ZNF318: variants seen among roughly 807,000 people sequenced by gnomAD.
ZNF318 encodes endocrine regulator.
ZNF318 carries 51 observed loss-of-function variants against 124.2 expected under a neutral mutation model. The observed-to-expected ratio is 0.41, with a 90% CI of 0.33 to 0.52. The LOEUF is 0.52. Among genes scored for constraint, ZNF318 ranks in the 20% least tolerant of loss-of-function variants. ZNF318 has a pLI of 0.23. For synonymous variants in ZNF318, 1,090 were observed against 1,040.7 expected (o/e 1.05, Z -0.91); for missense variants, 2,815 against 2,811.2 (o/e 1.00, Z -0.03).
rs777542177 is a variant in ZNF318 at position 43,355,369 on chromosome 6, G to A, written c.1965C>T (p.Asp655=). The A allele has an allele frequency of 1.9e-6, 3 of 1,614,164 alleles. No homozygotes were observed. The highest frequency in any genetic ancestry group is 1.7e-6 in the Non-Finnish European group (2 of 1,180,024). The change falls in exon 4 of 10, where the codon GAC becomes GAT. Residue 655 remains aspartate, a synonymous_variant. Transcript: ENST00000361428. The part of the protein sequence containing the change: ...CSSVDHRFSA[D]RCSSVDHCFS... The stretch of plus-strand genomic sequence containing the variant: ...AGCAGTGGTCAACTGAGGAACAGCG[G>A]TCAGCTGAGAAGCGGTGGTCAACTG...
intron 5 of ZNF318, among the ~76,000 whole-genome samples, chr6:43,349,959 A>G (rs892781110): frequency 6.6e-5 from 10 of 152,050 alleles, no homozygotes; most frequent in African/African-American, 2.2e-4. Context: ...TTAAAAAAAA[A>G]GAAAAAAAGG....
In ZNF318 at chr6:43,357,531, G is replaced by A. The variant is rs150513185; in HGVS notation, c.783C>T (p.Ser261=). 100 of 1,614,162 alleles carry A rather than the reference G, an allele frequency of 6.2e-5. No homozygotes were observed. In the African/African-American group the frequency reaches 9.7e-4, roughly 16 times the overall value. Residue 261 remains serine, a synonymous_variant, in exon 3 of 10, where the codon TCC becomes TCT. Transcript: ENST00000361428. The part of the protein sequence containing the change: ...ERNREKLKGY[S]IRSEERSREA... ...CCCGGCTCCTTTCTTCAGATCGTATGGAGTAGCCTTTGAGTTTTTCTCGAT... is the reference window on the plus strand; with the variant it reads ...CCCGGCTCCTTTCTTCAGATCGTATAGAGTAGCCTTTGAGTTTTTCTCGAT...
Position 43,338,207 on chromosome 6 carries a change from T to C in ZNF318, c.5791A>G (p.Arg1931Gly), listed in dbSNP as rs758728144. 5 of 1,614,058 alleles carry C rather than the reference T, an allele frequency of 3.1e-6. No individual in the cohort carries two copies. Among genetic ancestry groups the C allele is most frequent in the East Asian group, 4.5e-5 (2 of 44,896 alleles). The change falls in exon 10 of 10, where the codon AGA (arginine) becomes GGA (glycine). Residue 1931 changes from arginine to glycine, a missense_variant. Physicochemically the swap from Arg to Gly is moderately radical, Grantham distance 125. This residue lies in a region of ZNF318 where 927 missense variants were observed against 820.6 expected (regional missense o/e 1.13). Transcript: ENST00000361428. Reference sequence around the variant, plus strand: ...TTGAGACTTCTGTACCTAGAAGTTCTAGAAGCTGATTCTGGAGCTGAATTC... The same window carrying C: ...TTGAGACTTCTGTACCTAGAAGTTCCAGAAGCTGATTCTGGAGCTGAATTC... ...LENSAPESASRTSRYRSLKLK... is the reference protein window; with the variant it reads ...LENSAPESASGTSRYRSLKLK...
At position 43,340,245 on chromosome 6, in the gene ZNF318, C is replaced by T; in HGVS notation, c.3753G>A (p.Arg1251=). 1 of 1,614,044 alleles carries T rather than the reference C, an allele frequency of 6.2e-7. No homozygotes were observed. ...TTAACTGGAGTTTGATGCCAGTGTT[C>T]CTTTTATTTTCAGCTTTTTCAGGGG... ...RNSPEKAENK[R]NTGIKLQLKE... is the part of the protein sequence containing the mutation. The change falls in exon 10 of 10, where the codon AGG becomes AGA. Residue 1251 remains arginine (R), a synonymous_variant. Coordinates refer to ENST00000361428, the MANE Select transcript of ZNF318 (RefSeq NM_014345.3).
chr6:43,344,315 A>G (rs146632760), intron 6 of ZNF318, among the ~76,000 whole-genome samples: 121 of 152,334 alleles, frequency 7.9e-4, no homozygotes, highest in Middle Eastern at 6.8e-3. Flanking sequence ...AAAATACTGT[A>G]TACCCTTTAA....
intron 2 of ZNF318, among the ~76,000 whole-genome samples, chr6:43,358,414 A>ATTTT (rs71547834): frequency 0.1 from 12,413 of 124,610 alleles, 955 homozygotes; most frequent in Non-Finnish European, 0.14. Flanking sequence ...CACCCGGCTA[A>ATTTT]TTTTTTTTTT....
intron 6 of ZNF318, 103 bp from the exon 7 acceptor site, chr6:43,342,982 AC>A: frequency 2.3e-6 from 2 of 879,650 alleles, no homozygotes; most frequent in Non-Finnish European, 1.7e-6. Context: ...GGGCCATATG[AC>A]CATATTTCCA....
chr6:43,351,652 T>C (rs902804084), intron 5 of ZNF318, among the ~76,000 whole-genome samples: 24 of 151,824 alleles, frequency 1.6e-4, no homozygotes, highest in African/African-American at 4.8e-4. Context: ...TCCCAGCTAC[T>C]TGGGAGGCTG....
At chr6:43,357,977 T>G (rs565074825) in intron 2 of ZNF318, among the ~76,000 whole-genome samples, 3 of 152,186 alleles carry the variant, frequency 2.0e-5, no homozygotes, top group Non-Finnish European at 4.4e-5. Flanking sequence ...CATATCTAGA[T>G]AGATCTCTTG....
At position 43,355,702 on chromosome 6, in the gene ZNF318, C is replaced by T. The variant is rs760666205; in HGVS notation, c.1632G>A (p.Glu544=). 83 of 1,614,088 alleles carry T rather than the reference C, an allele frequency of 5.1e-5. 1 individual carries two copies. Among genetic ancestry groups the T allele is most frequent in the Middle Eastern group, 3.3e-4 (2 of 6,084 alleles). ...TTGGTACGGATTCTGCCTTTAAATC[C>T]TCTTCTTCATCCCCATAGAGAAATT... The part of the protein sequence containing the change: ...EEKFLYGDEE[E]DLKAESVPKP... The change falls in exon 4 of 10, where the codon GAG becomes GAA. Residue 544 remains glutamate, a synonymous_variant. Transcript: ENST00000361428.
In ZNF318 at chr6:43,355,086, T is replaced by A; in HGVS notation, c.2248A>T (p.Ile750Phe). ...CMLPSAPSAP[I>F]RLPHTAALSQ... is the part of the protein sequence containing the mutation. The stretch of plus-strand genomic sequence containing the variant: ...AAAGCAGCAGTGTGTGGAAGTCTAA[T>A]TGGGGCAGATGGGGCTGATGGCAAC... The change falls in exon 4 of 10, where the codon ATT becomes TTT. Residue 750 changes from isoleucine to phenylalanine, a missense_variant. Around this residue, in one of 4 missense-constraint regions of ZNF318, gnomAD observed 1,377 missense variants for 1,353.5 expected, o/e 1.02. Coordinates refer to ENST00000361428, the MANE Select transcript of ZNF318 (RefSeq NM_014345.3). The A allele has an allele frequency of 6.2e-7, 1 of 1,614,174 alleles. No individual in the cohort carries two copies. Among genetic ancestry groups the A allele is most frequent in the Non-Finnish European group, 8.5e-7 (1 of 1,180,026 alleles).
intron 1 of ZNF318, among the ~76,000 whole-genome samples, chr6:43,368,077 A>C (rs1048865812): frequency 2.6e-5 from 4 of 152,188 alleles, no homozygotes; most frequent in African/African-American, 9.7e-5. Flanking sequence ...ACAAATTCCC[A>C]AAAACCAGAC....
intron 7 of ZNF318, among the ~76,000 whole-genome samples, 174 bp from the exon 8 acceptor site, chr6:43,342,385 G>A (rs1779383235): frequency 7.2e-6 from 1 of 139,758 alleles, no homozygotes; most frequent in Admixed American, 7.9e-5. Context: ...GTAAACACAT[G>A]TTAGAGCAAG....
At chr6:43,352,556 C>T in intron 4 of ZNF318, 80 bp from the exon 5 acceptor site, 2 of 1,291,438 alleles carry the variant, frequency 1.5e-6, no homozygotes, top group Non-Finnish European at 2.2e-6. Flanking sequence ...AGCCTTCTTC[C>T]TAGACATTAT....
In ZNF318 at chr6:43,357,400, C is replaced by T; in HGVS notation, c.914G>A (p.Ser305Asn). The change falls in exon 3 of 10, where the codon AGC becomes AAC. Residue 305 changes from serine to asparagine, a missense_variant. Ser to Asn is a conservative substitution (Grantham distance 46). Transcript: ENST00000361428. ...AGGGTCGAGAAACCTAGGACTTGGG[C>T]TTCTTCTACGCTGTCGATAGTTGCG... ...GTRNYRQRRR[S>N]PSPRFLDPEF... is the part of the protein sequence containing the mutation. 2 of 1,614,092 alleles carry T rather than the reference C, an allele frequency of 1.2e-6. No individual in the cohort carries two copies. The highest frequency in any genetic ancestry group is 1.7e-6 in the Non-Finnish European group (2 of 1,179,984).
chr6:43,350,022 G>A (rs1259349544), intron 5 of ZNF318, among the ~76,000 whole-genome samples: 1 of 152,170 alleles, frequency 6.6e-6, no homozygotes, highest in Non-Finnish European at 1.5e-5. Flanking sequence ...GGTCGAGGCA[G>A]GCGGATCACC....
chr6:43,338,210 A>C lies in ZNF318; in HGVS notation c.5788T>G (p.Ser1930Ala), dbSNP rs1166918826. The C allele has an allele frequency of 6.2e-7, 1 of 1,614,008 alleles. No individual in the cohort carries two copies. The highest frequency in any genetic ancestry group is 8.5e-7 in the Non-Finnish European group (1 of 1,180,030). The change falls in exon 10 of 10, where the codon TCT becomes GCT. Residue 1930 changes from serine to alanine, a missense_variant. Physicochemically the swap from Ser to Ala is moderately conservative, Grantham distance 99. This residue lies in a region of ZNF318 where 927 missense variants were observed against 820.6 expected (regional missense o/e 1.13). Coordinates refer to ENST00000361428, the MANE Select transcript of ZNF318 (RefSeq NM_014345.3). The stretch of plus-strand genomic sequence containing the variant: ...AGACTTCTGTACCTAGAAGTTCTAG[A>C]AGCTGATTCTGGAGCTGAATTCTCT... ...GLENSAPESASRTSRYRSLKL... is the reference protein window; with the variant it reads ...GLENSAPESAARTSRYRSLKL...
intron 6 of ZNF318, among the ~76,000 whole-genome samples, chr6:43,344,459 T>C (rs946376548): frequency 6.6e-6 from 1 of 152,224 alleles, no homozygotes; most frequent in African/African-American, 2.4e-5. Context: ...AAAATGGTAT[T>C]ATAGAAGTGT....
chr6:43,339,584 T>G lies in ZNF318; in HGVS notation c.4414A>C (p.Ile1472Leu). The change falls in exon 10 of 10, where the codon ATC becomes CTC. Residue 1472 changes from isoleucine (I) to leucine (L), a missense_variant. Transcript: ENST00000361428. The surrounding 1 kb of genome is among the most constrained non-coding windows in gnomAD (Gnocchi z 4.2). ...GGGTTTGATTTTACTGGAGCCAAGA[T>G]AGCATTTGCTTGAGCAGCAGACGGG... ...AAPSAAQANA[I>L]LAPVKSNPVV... 3 of 1,609,938 alleles carry G rather than the reference T, an allele frequency of 1.9e-6. No homozygotes were observed. The highest frequency in any genetic ancestry group is 2.5e-6 in the Non-Finnish European group (3 of 1,179,526).
Sources: allele counts gnomAD v4.1 joint callset (sites outside exome capture counted in the v4.1 genomes callset), GRCh38; gene constraint gnomAD v4.1.1; regional missense constraint gnomAD v4.1.1; non-coding constraint Gnocchi (gnomAD v3.1); transcripts MANE v1.5; gene names NCBI Gene and HGNC (gene_info 2026-07-23, HGNC 2026-07-21).